PSMB7: variants seen among roughly 807,000 people sequenced by gnomAD.
PSMB7 encodes proteasome 20S subunit beta 7.
A neutral mutation model predicts 28.1 loss-of-function variants in PSMB7; 5 were observed. The ratio of observed to expected loss-of-function variants is 0.18; its 90% CI spans 0.09 to 0.37. The LOEUF is 0.37. Among genes scored for constraint, PSMB7 ranks in the 10% least tolerant of loss-of-function variants. The probability of loss-of-function intolerance (pLI) is 1.00; values close to 1 mark genes in which losing one functional copy is unlikely to be tolerated. For missense variants in PSMB7, 275 were observed against 346.2 expected (o/e 0.79, Z 1.63); for synonymous variants, 122 against 123.7 (o/e 0.99, Z 0.09).
chr9:124,359,049 A>G (rs553431440), intron 6 of PSMB7, among the ~76,000 whole-genome samples: 20 of 152,244 alleles, frequency 1.3e-4, no homozygotes, highest in Non-Finnish European at 2.1e-4. Context: ...TCCTCCCTCT[A>G]TTTTGCAAAC....
intron 6 of PSMB7, among the ~76,000 whole-genome samples, chr9:124,360,718 A>T (rs1830457575): frequency 6.6e-6 from 1 of 152,260 alleles, no homozygotes; most frequent in Non-Finnish European, 1.5e-5. Flanking sequence ...ATGGAGGCAG[A>T]CAGAATGGGT....
At chr9:124,364,125 G>A (rs1830486802) in intron 6 of PSMB7, among the ~76,000 whole-genome samples, 1 of 152,202 alleles carries the variant, frequency 6.6e-6, no homozygotes, top group African/African-American at 2.4e-5. Flanking sequence ...CCAGGCACCT[G>A]CCACACCCCC....
chr9:124,406,057 G>C (rs188637548), intron 4 of PSMB7, among the ~76,000 whole-genome samples: 2 of 152,246 alleles, frequency 1.3e-5, no homozygotes, highest in Non-Finnish European at 2.9e-5. Flanking sequence ...GAGACATTAA[G>C]AACTTGCCCG....
At chr9:124,391,291 AGATCTTT>A (rs1830784810) in intron 5 of PSMB7, among the ~76,000 whole-genome samples, 1 of 152,260 alleles carries the variant, frequency 6.6e-6, no homozygotes, top group Non-Finnish European at 1.5e-5. Context: ...TTCTGAAGCC[AGATCTTT>A]CTGAATTTAA....
At chr9:124,384,494 C>A in intron 6 of PSMB7, 104 bp downstream of exon 6, 1 of 1,034,636 alleles carries the variant, frequency 9.7e-7, no homozygotes, top group Non-Finnish European at 1.4e-6. Flanking sequence ...CAACTAACAA[C>A]AGTGCTGTAC....
chr9:124,405,610 T>C (rs1041906773), intron 4 of PSMB7, among the ~76,000 whole-genome samples, 178 bp from the exon 5 acceptor site: 2 of 152,228 alleles, frequency 1.3e-5, no homozygotes, highest in Admixed American at 1.3e-4. Flanking sequence ...GAACATCTAC[T>C]GTCAGCCAGT....
At position 124,359,500 on chromosome 9, in the gene PSMB7, G is replaced by A. The variant is rs530920467; in HGVS notation, c.571-2585C>T. Among the ~76,000 whole-genome samples, 6 of 152,280 alleles carry A rather than the reference G, an allele frequency of 3.9e-5. No homozygotes were observed. In the East Asian group the frequency reaches 7.7e-4, roughly 20 times the overall value. Reference sequence around the variant, plus strand: ...GGTATGGTCAGAAACTCTGGCTGACGGTCAATGACTTACACAAGGTCACAC... The same window carrying A: ...GGTATGGTCAGAAACTCTGGCTGACAGTCAATGACTTACACAAGGTCACAC... On this transcript the variant is annotated intron_variant, in intron 6 of 7. Transcript: ENST00000259457.
intron 5 of PSMB7, among the ~76,000 whole-genome samples, chr9:124,400,493 GCTGAGCTTCA>G (rs1830891441): frequency 6.6e-6 from 1 of 152,172 alleles, no homozygotes; most frequent in African/African-American, 2.4e-5. Context: ...CTGAGCTGAG[GCTGAGCTTCA>G]CCAATCAGAA....
At chr9:124,386,270 AAATTCAGCAAAACAAAC>A (rs1830717485) in intron 5 of PSMB7, among the ~76,000 whole-genome samples, 1 of 152,236 alleles carries the variant, frequency 6.6e-6, no homozygotes, top group African/African-American at 2.4e-5. Context: ...ATGTGAGAGC[AAATTCAGCAAAACAAAC>A]CTCTGAATTT....
intron 2 of PSMB7, 21 bp from the exon 3 acceptor site, chr9:124,414,026 TA>T (rs762932578): frequency 1.3e-6 from 2 of 1,539,112 alleles, no homozygotes; most frequent in Non-Finnish European, 1.8e-6. Context: ...AAAAAGTTTT[TA>T]AACAATTTTA....
At chr9:124,378,852 T>C (rs903681388) in intron 6 of PSMB7, among the ~76,000 whole-genome samples, 5 of 152,238 alleles carry the variant, frequency 3.3e-5, no homozygotes, top group African/African-American at 4.8e-5. Flanking sequence ...CCAGGTATCA[T>C]GATCAAACTC....
At chr9:124,355,198 G>A (rs1468873982) in intron 7 of PSMB7, among the ~76,000 whole-genome samples, 1 of 152,236 alleles carries the variant, frequency 6.6e-6, no homozygotes, top group Non-Finnish European at 1.5e-5. Flanking sequence ...TGGGGAGCAG[G>A]CTCCCTGCAG....
chr9:124,411,979 G>A (rs1278296785), intron 4 of PSMB7, among the ~76,000 whole-genome samples: 1 of 152,124 alleles, frequency 6.6e-6, no homozygotes, highest in Non-Finnish European at 1.5e-5. Flanking sequence ...GGGGTGGGGG[G>A]AAGGAGAGAC....
At chr9:124,400,791 T>G (rs964932231) in intron 5 of PSMB7, among the ~76,000 whole-genome samples, 3 of 152,194 alleles carry the variant, frequency 2.0e-5, no homozygotes, top group African/African-American at 7.2e-5. Flanking sequence ...GAAATTCCAC[T>G]GCTAAGAATT....
At chr9:124,394,477 T>C (rs567888926) in intron 5 of PSMB7, among the ~76,000 whole-genome samples, 3 of 152,358 alleles carry the variant, frequency 2.0e-5, no homozygotes, top group South Asian at 2.1e-4. Flanking sequence ...AAACTGAGCA[T>C]TTCCTTTAAC....
chr9:124,408,853 T>C (rs1186706356), intron 4 of PSMB7, among the ~76,000 whole-genome samples: 5 of 152,236 alleles, frequency 3.3e-5, no homozygotes, highest in African/African-American at 1.2e-4. Context: ...TCCAGGTTTC[T>C]AGTGTCTACG....
At chr9:124,357,814 A>G (rs1214347422) in intron 6 of PSMB7, among the ~76,000 whole-genome samples, 5 of 152,220 alleles carry the variant, frequency 3.3e-5, no homozygotes, top group Non-Finnish European at 2.9e-5. Context: ...GACCCAAGTA[A>G]GTACAATGCA....
intron 5 of PSMB7, among the ~76,000 whole-genome samples, chr9:124,393,468 T>C (rs779604323): frequency 6.6e-6 from 1 of 152,218 alleles, no homozygotes; most frequent in Non-Finnish European, 1.5e-5. Flanking sequence ...CATCAGCAAA[T>C]GTACCTCAAT....
Position 124,363,045 on chromosome 9 carries a change from C to T in PSMB7, c.571-6130G>A, listed in dbSNP as rs968961047. Among the ~76,000 whole-genome samples, 7 of 152,144 alleles carry T rather than the reference C, an allele frequency of 4.6e-5. No individual in the cohort carries two copies. In the East Asian group the frequency reaches 7.7e-4, roughly 17 times the overall value. ...ATGAAAATTCTGAACATCAGGGGTC[C>T]GCCCTACACCTTCTCCATCTTTGTA... On this transcript the variant is annotated intron_variant, in intron 6 of 7. Coordinates refer to ENST00000259457, the MANE Select transcript of PSMB7 (RefSeq NM_002799.4).
Sources: allele counts gnomAD v4.1 joint callset (sites outside exome capture counted in the v4.1 genomes callset), GRCh38; gene constraint gnomAD v4.1.1; transcripts MANE v1.5; gene names NCBI Gene and HGNC (gene_info 2026-07-23, HGNC 2026-07-21).